The following RPH3A variants were observed in gnomAD, a reference collection of about 807,000 sequenced individuals.
RPH3A encodes the protein rabphilin 3A.
In RPH3A, 48 loss-of-function variants were observed where a neutral mutation model predicts 102.2. That is an observed-to-expected ratio of 0.47 (90% CI 0.37 to 0.60). The LOEUF is 0.60. Ranked by LOEUF, RPH3A falls within the 20% of genes least tolerant of loss-of-function variation. The probability of loss-of-function intolerance (pLI) is 0.00; values close to 1 mark genes in which losing one functional copy is unlikely to be tolerated. For missense variants in RPH3A, 781 were observed against 910.1 expected, an observed-to-expected ratio of 0.86 and a Z score of 1.83; for synonymous variants, 310 against 324.3, an observed-to-expected ratio of 0.96 and a Z score of 0.47.
At chr12:112,782,490 A>G (rs1222830620) in intron 1 of RPH3A, among the ~76,000 whole-genome samples, 1 of 152,228 alleles carries the variant, frequency 6.6e-6, no homozygotes, top group Non-Finnish European at 1.5e-5. Flanking sequence ...TGGCAAGAAC[A>G]GGGATGGTAT....
intron 5 of RPH3A, among the ~76,000 whole-genome samples, chr12:112,861,408 G>C (rs138933499): frequency 6.3e-4 from 96 of 152,342 alleles, no homozygotes; most frequent in Non-Finnish European, 1.1e-3. Flanking sequence ...CATATGTGCA[G>C]CTTGGTGCTT....
chr12:112,885,993 G>A (rs547331488), intron 16 of RPH3A, among the ~76,000 whole-genome samples: 19 of 152,264 alleles, frequency 1.2e-4, no homozygotes, highest in East Asian at 3.9e-4. Context: ...TTGGAGATGC[G>A]TTGCCCTGAA....
At chr12:112,719,028 C>G (rs2040533023) in intron 1 of RPH3A, among the ~76,000 whole-genome samples, 1 of 152,174 alleles carries the variant, frequency 6.6e-6, no homozygotes, top group Non-Finnish European at 1.5e-5. Context: ...GTGGTTTTCA[C>G]CTCCCAGAGG....
chr12:112,843,001 A>G (rs1565914029), intron 4 of RPH3A, among the ~76,000 whole-genome samples: 1 of 152,156 alleles, frequency 6.6e-6, no homozygotes, highest in Non-Finnish European at 1.5e-5. Flanking sequence ...AAATTGGCAC[A>G]TAGTAGGCCC....
At chr12:112,831,423 C>T (rs1454171228) in intron 3 of RPH3A, among the ~76,000 whole-genome samples, 6 of 152,144 alleles carry the variant, frequency 3.9e-5, no homozygotes, top group African/African-American at 1.4e-4. Flanking sequence ...TTCCTCTAGA[C>T]AACACAAGGT....
At chr12:112,714,345 T>A (rs2040500200) in intron 1 of RPH3A, among the ~76,000 whole-genome samples, 1 of 152,110 alleles carries the variant, frequency 6.6e-6, no homozygotes, top group African/African-American at 2.4e-5. Flanking sequence ...CACAGGAAGA[T>A]GTCAGAAGAC....
chr12:112,620,995 T>A (rs539326121), intron 1 of RPH3A, among the ~76,000 whole-genome samples: 1 of 152,134 alleles, frequency 6.6e-6, no homozygotes, highest in Admixed American at 6.5e-5. Flanking sequence ...TATCTTCCTA[T>A]TTTTTAACAT....
intron 1 of RPH3A, among the ~76,000 whole-genome samples, chr12:112,582,668 CCCAAGCTGGT>C (rs1199340736): frequency 7.7e-5 from 11 of 142,154 alleles, no homozygotes; most frequent in Admixed American, 6.5e-4. Context: ...CACTATGTTG[CCCAAGCTGGT>C]CTTGAACTCT....
chr12:112,794,782 C>T (rs2041197186), intron 2 of RPH3A, among the ~76,000 whole-genome samples: 1 of 152,152 alleles, frequency 6.6e-6, no homozygotes, highest in South Asian at 2.1e-4. Flanking sequence ...ATGGCAGCAA[C>T]ATATAAACCC....
intron 1 of RPH3A, among the ~76,000 whole-genome samples, chr12:112,727,049 A>G (rs1252517537): frequency 6.6e-6 from 1 of 151,940 alleles, no homozygotes; most frequent in Non-Finnish European, 1.5e-5. Context: ...AAATAAATAA[A>G]TAAATAAAAT....
intron 1 of RPH3A, among the ~76,000 whole-genome samples, chr12:112,740,738 C>G (rs540063205): frequency 6.6e-6 from 1 of 152,164 alleles, no homozygotes; most frequent in African/African-American, 2.4e-5. Context: ...TAATTAACAC[C>G]ACAGTTCAGC....
At chr12:112,597,179 T>C (rs973359305) in intron 1 of RPH3A, among the ~76,000 whole-genome samples, 5 of 152,188 alleles carry the variant, frequency 3.3e-5, no homozygotes, top group Non-Finnish European at 2.9e-5. Flanking sequence ...GAGAGGGAAC[T>C]GTGATTGTTG....
chr12:112,865,482 T>G lies in RPH3A; in HGVS notation c.299T>G (p.Leu100Arg). ...VAGDGVNRCI[L>R]CGEQLGMLGS... ...GGAGATGGGGTGAACCGCTGCATAC[T>G]GTGTGGAGAACAGCTGGGGATGCTG... Residue 100 changes from leucine to arginine, a missense_variant, in exon 6 of 22, where the codon CTG becomes CGG. Leu to Arg is a moderately radical substitution (Grantham distance 102). Around this residue, in one of 2 missense-constraint regions of RPH3A, gnomAD observed 730 missense variants for 810.0 expected, o/e 0.90. Coordinates refer to ENST00000389385, the MANE Select transcript of RPH3A (RefSeq NM_001143854.2). 2 of 1,614,090 alleles carry G rather than the reference T, an allele frequency of 1.2e-6. No individual in the cohort carries two copies. Among genetic ancestry groups the G allele is most frequent in the Non-Finnish European group, 1.7e-6 (2 of 1,180,002 alleles).
At chr12:112,661,799 C>T (rs374445441) in intron 1 of RPH3A, among the ~76,000 whole-genome samples, 14 of 151,858 alleles carry the variant, frequency 9.2e-5, no homozygotes, top group East Asian at 3.9e-4. Context: ...GAAGCACTTC[C>T]GCTGATTAAA....
intron 19 of RPH3A, among the ~76,000 whole-genome samples, chr12:112,891,550 C>T (rs1411475634): frequency 6.6e-6 from 1 of 152,178 alleles, no homozygotes; most frequent in African/African-American, 2.4e-5. Flanking sequence ...AATGCCCATT[C>T]CAGGAAGTCT....
intron 1 of RPH3A, among the ~76,000 whole-genome samples, chr12:112,779,294 GTC>G (rs2040990130): frequency 6.6e-6 from 1 of 152,160 alleles, no homozygotes; most frequent in African/African-American, 2.4e-5. Context: ...TCCAGCCAAA[GTC>G]TCTGTCGGAG....
chr12:112,857,053 G>T (rs2042423041), intron 5 of RPH3A, among the ~76,000 whole-genome samples: 1 of 152,184 alleles, frequency 6.6e-6, no homozygotes, highest in African/African-American at 2.4e-5. Context: ...AGGGGTGTGT[G>T]TGTGTGTGTC....
At chr12:112,692,991 G>C (rs913702263) in intron 1 of RPH3A, among the ~76,000 whole-genome samples, 2 of 152,202 alleles carry the variant, frequency 1.3e-5, no homozygotes, top group African/African-American at 4.8e-5. Context: ...AATACAAAGA[G>C]TTTGGAAATG....
chr12:112,630,706 A>T (rs1266489486), intron 1 of RPH3A, among the ~76,000 whole-genome samples: 3 of 152,166 alleles, frequency 2.0e-5, no homozygotes, highest in African/African-American at 7.2e-5. Flanking sequence ...TCCTCTCTTT[A>T]TCTCCTGTAA....
Sources: allele counts gnomAD v4.1 joint callset (sites outside exome capture counted in the v4.1 genomes callset), GRCh38; gene constraint gnomAD v4.1.1; regional missense constraint gnomAD v4.1.1; transcripts MANE v1.5; gene names NCBI Gene and HGNC (gene_info 2026-07-23, HGNC 2026-07-21).